Variants in ICE2 observed in about 807,000 individuals in gnomAD.
ICE2 encodes the protein little elongation complex subunit 2.
A neutral mutation model predicts 105.4 loss-of-function variants in ICE2; 87 were observed. That is an observed-to-expected ratio of 0.83 (90% CI 0.69 to 0.99). The LOEUF (loss-of-function observed/expected upper bound fraction) is 0.99. Ranked by LOEUF, ICE2 falls within the 50% of genes least tolerant of loss-of-function variation. ICE2 has a pLI of 0.00. For missense variants in ICE2, 1,323 were observed against 1,146.7 expected (o/e 1.15, Z -2.22); for synonymous variants, 399 against 392.0 (o/e 1.02, Z -0.21).
intron 10 of ICE2, among the ~76,000 whole-genome samples, chr15:60,448,604 T>C (rs1001080573): frequency 3.3e-5 from 5 of 152,170 alleles, no homozygotes; most frequent in African/African-American, 1.2e-4. Flanking sequence ...ACATTACCTA[T>C]AGCTTAGCAG....
At chr15:60,473,549 T>C (rs1001938901) in intron 3 of ICE2, among the ~76,000 whole-genome samples, 6 of 152,120 alleles carry the variant, frequency 3.9e-5, no homozygotes, top group Non-Finnish European at 5.9e-5. Context: ...TGCTCTGGCC[T>C]CCTAAAGGGC....
At chr15:60,455,538 T>C (rs2064084113) in intron 6 of ICE2, 96 bp from the exon 7 acceptor site, 2 of 735,186 alleles carry the variant, frequency 2.7e-6, no homozygotes, top group African/African-American at 1.8e-5. Context: ...AACTTGAACT[T>C]TATAATTCTA....
At chr15:60,469,218 G>A (rs1009148391) in intron 3 of ICE2, among the ~76,000 whole-genome samples, 4 of 152,156 alleles carry the variant, frequency 2.6e-5, no homozygotes, top group African/African-American at 9.7e-5. Flanking sequence ...AACACCACAT[G>A]TTCTCACTTA....
chr15:60,437,121 G>A (rs988001154), intron 12 of ICE2, among the ~76,000 whole-genome samples: 4 of 151,810 alleles, frequency 2.6e-5, no homozygotes, highest in Admixed American at 6.6e-5. Context: ...CAGGCATGGT[G>A]GTGGGCACCT....
chr15:60,443,810 C>G (rs2063768440), intron 11 of ICE2, among the ~76,000 whole-genome samples: 2 of 152,072 alleles, frequency 1.3e-5, no homozygotes, highest in African/African-American at 4.8e-5. Context: ...GAAATTTGCT[C>G]AGGCTGGGTG....
intron 5 of ICE2, among the ~76,000 whole-genome samples, chr15:60,465,795 G>A (rs1207393579): frequency 7.0e-6 from 1 of 142,424 alleles, no homozygotes; most frequent in African/African-American, 2.6e-5. Context: ...CTGTCACCTA[G>A]GCTGGACTGC....
intron 9 of ICE2, chr15:60,452,511 T>A: frequency 6.3e-6 from 1 of 157,982 alleles, no homozygotes; most frequent in Non-Finnish European, 1.4e-5. Context: ...CTGGGCCCTC[T>A]GCCACTTATT....
At chr15:60,463,127 C>G (rs2141123591) in intron 5 of ICE2, among the ~76,000 whole-genome samples, 1 of 152,208 alleles carries the variant, frequency 6.6e-6, no homozygotes, top group African/African-American at 2.4e-5. Context: ...GGATAAAATA[C>G]ACTATGATAT....
intron 5 of ICE2, among the ~76,000 whole-genome samples, chr15:60,458,793 T>A (rs145774894): frequency 1.1e-4 from 16 of 152,120 alleles, no homozygotes; most frequent in African/African-American, 3.9e-4. Flanking sequence ...GGAAAGAAAT[T>A]CTGACACATG....
At chr15:60,448,223 A>ACTT (rs2063868771) in intron 10 of ICE2, 78 bp from the exon 11 acceptor site, 1 of 905,838 alleles carries the variant, frequency 1.1e-6, no homozygotes, top group South Asian at 1.9e-5. Context: ...AATTCAATTA[A>ACTT]CTATTTTAAA....
Position 60,421,284 on chromosome 15 carries a change from T to C in ICE2, c.*2350A>G, listed in dbSNP as rs1469644570. 1 of 152,086 alleles carries C rather than the reference T, an allele frequency of 6.6e-6. No homozygotes were observed. Among genetic ancestry groups the C allele is most frequent in the African/African-American group, 2.4e-5 (1 of 41,396 alleles). 9.4% of individuals were successfully genotyped at this position (152,086 alleles called of 1,614,324 possible). A position where few individuals can be genotyped will look rare whatever the true frequency, so the allele number is the denominator to read the frequency against. On this transcript the variant is annotated 3_prime_UTR_variant, in exon 16 of 16. Transcript: ENST00000261520. ...AGGATGGAGTGCAGTGGCACCATCA[T>C]AGCTCACTGCAGCCTCAAACTCCTA...
intron 9 of ICE2, 93 bp from the exon 10 acceptor site, chr15:60,449,934 C>A (rs996648870): frequency 3.8e-5 from 35 of 914,770 alleles, no homozygotes; most frequent in Non-Finnish European, 5.8e-5. Flanking sequence ...ATACTTCCTG[C>A]TCTTTTAAAG....
At position 60,455,418 on chromosome 15, in the gene ICE2, C is replaced by T. The variant is rs1164368725; in HGVS notation, c.691G>A (p.Val231Ile). 6.2e-7 allele frequency: 1 copy of T among 1,612,764 alleles called. No homozygotes were observed. The highest frequency in any genetic ancestry group is 1.3e-5 in the African/African-American group (1 of 74,830). The change falls in exon 7 of 16, where the codon GTA (valine) becomes ATA (isoleucine). Residue 231 changes from valine to isoleucine, a missense_variant. Physicochemically the swap from Val to Ile is conservative, Grantham distance 29. Coordinates refer to ENST00000261520, the MANE Select transcript of ICE2 (RefSeq NM_024611.6). ...ALGSVKYVKTVFPSMPIKLQL... is the reference protein window; with the variant it reads ...ALGSVKYVKTIFPSMPIKLQL... ...AACTTTATAGGCATTGAGGGAAATA[C>T]TGTTTTCACATATTTTACACTGCCC...
Position 60,449,698 on chromosome 15 carries a change from G to A in ICE2, c.1269C>T (p.Ser423=). 6.2e-7 allele frequency: 1 copy of A among 1,614,100 alleles called. No individual in the cohort carries two copies. ...VSKSPSPAST[S]TVPNMTDAPT... ...GAGCATCTGTCATGTTAGGTACTGTGGAAGTACTTGCTGGACTTGGTGATT... is the reference window on the plus strand; with the variant it reads ...GAGCATCTGTCATGTTAGGTACTGTAGAAGTACTTGCTGGACTTGGTGATT... Residue 423 remains serine, a synonymous_variant, in exon 10 of 16, where the codon TCC becomes TCT. Coordinates refer to ENST00000261520, the MANE Select transcript of ICE2 (RefSeq NM_024611.6).
At chr15:60,464,760 G>A (rs1225736933) in intron 5 of ICE2, among the ~76,000 whole-genome samples, 2 of 152,154 alleles carry the variant, frequency 1.3e-5, no homozygotes, top group Non-Finnish European at 2.9e-5. Context: ...AAGATGGGCT[G>A]TAATCCCAGC....
intron 12 of ICE2, among the ~76,000 whole-genome samples, chr15:60,437,289 A>G (rs1314837460): frequency 6.6e-6 from 1 of 151,888 alleles, no homozygotes; most frequent in Non-Finnish European, 1.5e-5. Context: ...AAAGCACACC[A>G]TAAGATTTCC....
At chr15:60,444,309 T>C (rs1202505303) in intron 11 of ICE2, among the ~76,000 whole-genome samples, 1 of 152,204 alleles carries the variant, frequency 6.6e-6, no homozygotes, top group Non-Finnish European at 1.5e-5. Flanking sequence ...CTACTCTATC[T>C]ATAAAACCAA....
Position 60,449,057 on chromosome 15 carries a change from C to G in ICE2, c.1910G>C (p.Arg637Pro). ...AACTGGATCAAATTTTTTATATACT[C>G]GTTTGATAGGTTTTTTTAAAACACA... ...ESCVLKKPIK[R>P]VYKKFDPVGE... Residue 637 changes from arginine to proline, a missense_variant, in exon 10 of 16, where the codon CGA becomes CCA. Coordinates refer to ENST00000261520, the MANE Select transcript of ICE2 (RefSeq NM_024611.6). 6.2e-7 allele frequency: 1 copy of G among 1,613,026 alleles called. No homozygotes were observed. The highest frequency in any genetic ancestry group is 8.5e-7 in the Non-Finnish European group (1 of 1,179,424).
intron 15 of ICE2, among the ~76,000 whole-genome samples, chr15:60,426,417 G>A (rs1015625596): frequency 9.9e-5 from 15 of 152,184 alleles, no homozygotes; most frequent in African/African-American, 3.6e-4. Flanking sequence ...TAAGTGTGTA[G>A]TAGACTACAC....
Sources: allele counts gnomAD v4.1 joint callset (sites outside exome capture counted in the v4.1 genomes callset), GRCh38; gene constraint gnomAD v4.1.1; transcripts MANE v1.5; gene names NCBI Gene and HGNC (gene_info 2026-07-23, HGNC 2026-07-21).